Variants in MTHFD1 observed in about 807,000 individuals in gnomAD.
The protein encoded by MTHFD1 is C-1-tetrahydrofolate synthase, cytoplasmic.
A neutral mutation model predicts 110.3 loss-of-function variants in MTHFD1; 44 were observed. The observed-to-expected ratio is 0.40, with a 90% CI of 0.31 to 0.51. The LOEUF is 0.51. Ranked by LOEUF, MTHFD1 falls within the 20% of genes least tolerant of loss-of-function variation. The probability of loss-of-function intolerance (pLI) is 0.60; values close to 1 mark genes in which losing one functional copy is unlikely to be tolerated. For synonymous variants in MTHFD1, 402 were observed against 428.8 expected (o/e 0.94, Z 0.77); for missense variants, 909 against 1,173.1 (o/e 0.77, Z 3.29).
At chr14:64,434,949 CTTT>C (rs374039248) in intron 15 of MTHFD1, among the ~76,000 whole-genome samples, 7 of 80,862 alleles carry the variant, frequency 8.7e-5, no homozygotes, top group Admixed American at 1.6e-4. Context: ...TCCCTCTTTT[CTTT>C]TTTTTTTTTT....
chr14:64,447,040 A>G (rs1041980793), intron 22 of MTHFD1, among the ~76,000 whole-genome samples: 5 of 150,680 alleles, frequency 3.3e-5, no homozygotes, highest in Non-Finnish European at 7.4e-5. Flanking sequence ...GGGTCTCCCT[A>G]TGTTGCCCAG....
intron 24 of MTHFD1, among the ~76,000 whole-genome samples, chr14:64,451,349 G>C (rs2078370091): frequency 6.6e-6 from 1 of 151,974 alleles, no homozygotes; most frequent in South Asian, 2.1e-4. Flanking sequence ...GATAATCATA[G>C]ACTTTCAAAA....
intron 2 of MTHFD1, among the ~76,000 whole-genome samples, chr14:64,403,906 A>C (rs1457610323): frequency 6.6e-6 from 1 of 152,188 alleles, no homozygotes; most frequent in African/African-American, 2.4e-5. Flanking sequence ...GTCCTAGTGA[A>C]ACTGGCATTT....
At chr14:64,448,133 A>G in intron 22 of MTHFD1, 84 bp from the exon 23 acceptor site, 2 of 948,846 alleles carry the variant, frequency 2.1e-6, no homozygotes, top group Non-Finnish European at 3.4e-6. Context: ...CTGCTGGCTC[A>G]AGGAGGTTGT....
At chr14:64,453,663 A>C in intron 24 of MTHFD1, 91 bp from the exon 25 acceptor site, 2 of 765,736 alleles carry the variant, frequency 2.6e-6, no homozygotes, top group Non-Finnish European at 2.3e-6. Flanking sequence ...TGCCCCTTTT[A>C]GGGACTCTGA....
intron 22 of MTHFD1, among the ~76,000 whole-genome samples, chr14:64,446,784 C>T (rs2078292455): frequency 6.6e-6 from 1 of 152,152 alleles, no homozygotes; most frequent in Non-Finnish European, 1.5e-5. Context: ...CCTCGTGTTC[C>T]ACCCGCCTCG....
chr14:64,455,005 T>A, intron 26 of MTHFD1, 130 bp downstream of exon 26: 1 of 921,040 alleles, frequency 1.1e-6, no homozygotes, highest in African/African-American at 1.6e-5. Context: ...TCGGGCCTAT[T>A]ATGATTGCTG....
In MTHFD1 at chr14:64,392,778, GA is replaced by G. The variant is rs2077817050; in HGVS notation, c.41+4312del. On this transcript the variant is annotated intron_variant, in intron 1 of 27. Transcript: ENST00000652337. ...GTTTAATACCTATAAAGCATTTAGA[GA>G]AGTTGTTGGTACATGGTAAGTTTTA... Among the ~76,000 whole-genome samples, 3 of 152,198 alleles carry G rather than the reference GA, an allele frequency of 2.0e-5. No homozygotes were observed. The South Asian group carries it at 6.2e-4, about 31-fold the overall frequency.
At chr14:64,440,653 G>C in intron 18 of MTHFD1, 1 of 305,812 alleles carries the variant, frequency 3.3e-6, no homozygotes. Context: ...AGTTGGTATT[G>C]AACTCTTGCG....
rs757571129 is a variant in MTHFD1, at chr14:64,459,922, C to A, written c.*168C>A. 3 of 1,534,858 alleles carry A rather than the reference C, an allele frequency of 2.0e-6. No homozygotes were observed. The highest frequency in any genetic ancestry group is 2.0e-5 in the Admixed American group (1 of 50,948). ...CCAGAAGTCATTTTCAGCCTTAATT[C>A]TCATCATGTATAAATTAACATAAAT... On this transcript the variant is annotated 3_prime_UTR_variant, in exon 28 of 28. Coordinates refer to ENST00000652337, the MANE Select transcript of MTHFD1 (RefSeq NM_005956.4).
At chr14:64,431,076 CTTTTTT>C (rs369540665) in intron 13 of MTHFD1, among the ~76,000 whole-genome samples, 1 of 135,354 alleles carries the variant, frequency 7.4e-6, no homozygotes, top group Non-Finnish European at 1.6e-5. Context: ...TTTTCTTTTT[CTTTTTT>C]TTTTTTTTTT....
chr14:64,452,214 G>A (rs1183364559), intron 24 of MTHFD1, among the ~76,000 whole-genome samples: 7 of 152,320 alleles, frequency 4.6e-5, no homozygotes, highest in African/African-American at 1.4e-4. Context: ...AGAATCTCTT[G>A]AACCCGGGAG....
In MTHFD1 at chr14:64,431,526, T is replaced by C. The variant is rs760801412; in HGVS notation, c.1312-6T>C. ...GGAGACTAATGTGGCTTCTGTTCTT[T>C]TGTAGTTTAATCTCCACCTCACAGG... On this transcript the variant is annotated splice_polypyrimidine_tract_variant and splice_region_variant and intron_variant, in intron 13 of 27. Coordinates refer to ENST00000652337, the MANE Select transcript of MTHFD1 (RefSeq NM_005956.4). The C allele has an allele frequency of 7.5e-5, 121 of 1,610,712 alleles. No individual in the cohort carries two copies. Among genetic ancestry groups the C allele is most frequent in the Admixed American group, 1.8e-4 (11 of 59,986 alleles).
chr14:64,439,949 A>AAT (rs768251950), intron 17 of MTHFD1, among the ~76,000 whole-genome samples, 177 bp from the exon 18 acceptor site: 33 of 84,302 alleles, frequency 3.9e-4, no homozygotes, highest in African/African-American at 9.9e-4. Context: ...ATAATTAATT[A>AAT]ATATATTTTT....
intron 22 of MTHFD1, among the ~76,000 whole-genome samples, chr14:64,447,770 G>C (rs148083250): frequency 6.6e-6 from 1 of 152,096 alleles, no homozygotes; most frequent in African/African-American, 2.4e-5. Flanking sequence ...CCACTATGTT[G>C]TTAGGCTCTG....
rs758642331 is a variant in MTHFD1 at position 64,400,920 on chromosome 14, T to C, written c.126+43T>C. 5.0e-6 allele frequency: 7 copies of C among 1,398,800 alleles called. No homozygotes were observed. In the Admixed American group the frequency reaches 7.1e-5, roughly 14 times the overall value. 86.6% of individuals were successfully genotyped at this position (1,398,800 alleles called of 1,614,324 possible). A position where few individuals can be genotyped will look rare whatever the true frequency, so the allele number is the denominator to read the frequency against. On this transcript the variant is annotated intron_variant, in intron 2 of 27. Coordinates refer to ENST00000652337, the MANE Select transcript of MTHFD1 (RefSeq NM_005956.4). ...TTTCATTAATGTTGTCTTTGCTTGATTTCTCAGTATCATTTCAGACCTCTC... is the reference window on the plus strand; with the variant it reads ...TTTCATTAATGTTGTCTTTGCTTGACTTCTCAGTATCATTTCAGACCTCTC...
chr14:64,438,852 G>C (rs1003655984), intron 16 of MTHFD1, among the ~76,000 whole-genome samples: 1 of 152,140 alleles, frequency 6.6e-6, no homozygotes, highest in Non-Finnish European at 1.5e-5. Context: ...TTAACTGTTT[G>C]AATTCTCTAG....
chr14:64,445,029 T>C (rs926239311), intron 22 of MTHFD1: 9 of 429,588 alleles, frequency 2.1e-5, no homozygotes, highest in Admixed American at 1.1e-4. Context: ...AGAGACTTTT[T>C]TTATTATTAC....
chr14:64,453,132 T>C (rs2078403057), intron 24 of MTHFD1, among the ~76,000 whole-genome samples: 1 of 151,982 alleles, frequency 6.6e-6, no homozygotes, highest in African/African-American at 2.4e-5. Flanking sequence ...TGTAAGTATA[T>C]ATTTAAAACC....
Sources: allele counts gnomAD v4.1 joint callset (sites outside exome capture counted in the v4.1 genomes callset), GRCh38; gene constraint gnomAD v4.1.1; transcripts MANE v1.5; gene names NCBI Gene and HGNC (gene_info 2026-07-23, HGNC 2026-07-21).